The following LHX6 variants were observed in gnomAD, a reference collection of about 807,000 sequenced individuals.
LHX6 encodes LIM/homeobox protein Lhx6.
LHX6 carries 15 observed loss-of-function variants against 47.1 expected under a neutral mutation model. That is an observed-to-expected ratio of 0.32 (90% confidence interval 0.21 to 0.49). The LOEUF is 0.49. Among genes scored for constraint, LHX6 ranks in the 20% least tolerant of loss-of-function variants. The probability of loss-of-function intolerance (pLI) is 0.99; values close to 1 mark genes in which losing one functional copy is unlikely to be tolerated. For synonymous variants in LHX6, 242 were observed against 233.5 expected, an observed-to-expected ratio of 1.04 and a Z score of -0.33; for missense variants, 404 against 539.6, an observed-to-expected ratio of 0.75 and a Z score of 2.49.
intron 4 of LHX6, among the ~76,000 whole-genome samples, chr9:122,224,429 T>C (rs1229963730): frequency 2.0e-5 from 3 of 152,144 alleles, no homozygotes; most frequent in Non-Finnish European, 4.4e-5. Context: ...AATACTCAGA[T>C]GGGACAGTGA....
chr9:122,210,072 C>T (rs1354652604), intron 8 of LHX6, among the ~76,000 whole-genome samples: 2 of 152,052 alleles, frequency 1.3e-5, no homozygotes, highest in South Asian at 2.1e-4. Context: ...GACGGGGTTT[C>T]ACCGTGTTAG....
chr9:122,228,670 G>A lies in LHX6; in HGVS notation c.71C>T (p.Pro24Leu). 1 of 1,290,432 alleles carries A rather than the reference G, an allele frequency of 7.7e-7. No homozygotes were observed. Among genetic ancestry groups the A allele is most frequent in the Non-Finnish European group, 9.8e-7 (1 of 1,020,210 alleles). The allele number at this position is 1,290,432 out of a possible 1,614,324, so 79.9% of individuals were successfully genotyped here. Residue 24 changes from proline to leucine, a missense_variant, in exon 1 of 10, where the codon CCC becomes CTC. By Grantham distance (98) the Pro-to-Leu change is moderately conservative. Coordinates refer to ENST00000394319, the MANE Select transcript of LHX6 (RefSeq NM_014368.5). Reference sequence around the variant, plus strand: ...TCGCCGGCTCACCTGGTCGGTGGCGGGGCCGCCCTCGGCCGGCAGCCGGCA... The same window carrying A: ...TCGCCGGCTCACCTGGTCGGTGGCGAGGCCGCCCTCGGCCGGCAGCCGGCA... ...EGCRLPAEGG[P>L]ATDQVMAQPG...
At position 122,203,318 on chromosome 9, in the gene LHX6, T is replaced by C. The variant is rs911985578; in HGVS notation, c.*1442A>G. The C allele has an allele frequency of 6.6e-6, 1 of 152,520 alleles. No homozygotes were observed. The highest frequency in any genetic ancestry group is 1.5e-5 in the Non-Finnish European group (1 of 68,036). The allele number at this position is 152,520 out of a possible 1,614,324, so 9.4% of individuals were successfully genotyped here. A position where few individuals can be genotyped will look rare whatever the true frequency, so the allele number is the denominator to read the frequency against. ...TGCCATTGATTAGCAATGTCTGCCA[T>C]GGGTAAAAACAGAGACAATGGCTGC... On this transcript the variant is annotated 3_prime_UTR_variant, in exon 10 of 10. Coordinates refer to ENST00000394319, the MANE Select transcript of LHX6 (RefSeq NM_014368.5).
intron 4 of LHX6, chr9:122,221,634 A>G (rs1320967191): frequency 4.1e-6 from 4 of 985,406 alleles, no homozygotes; most frequent in Non-Finnish European, 4.8e-6. Context: ...AGAAGGCAGG[A>G]GGGCCAGGGA....
rs770537186 is a variant in LHX6, at chr9:122,209,674, G to A, written c.1098C>T (p.Thr366=). 2.5e-5 allele frequency: 31 copies of A among 1,245,998 alleles called. No homozygotes were observed. Among genetic ancestry groups the A allele is most frequent in the East Asian group, 6.9e-5 (3 of 43,196 alleles). 77.2% of individuals were successfully genotyped at this position (1,245,998 alleles called of 1,614,324 possible). A position where few individuals can be genotyped will look rare whatever the true frequency, so the allele number is the denominator to read the frequency against. Residue 366 remains threonine (T), a synonymous_variant, in exon 9 of 10, where the codon ACC becomes ACT. Transcript: ENST00000394319. ...CGGCTTTGAGGTGGACGGGGGGTGC[G>A]GTGTAAGGCAGCCGGCAGTGCACCT... ...CGQVHCRLPY[T]APPVHLKADM...
intron 4 of LHX6, among the ~76,000 whole-genome samples, chr9:122,219,258 G>C (rs899114118): frequency 1.3e-5 from 2 of 152,216 alleles, no homozygotes; most frequent in Admixed American, 1.3e-4. Flanking sequence ...TGTCTCCAAC[G>C]AGGAGCGCGA....
intron 1 of LHX6, chr9:122,228,383 G>C: frequency 6.6e-7 from 1 of 1,511,228 alleles, no homozygotes; most frequent in Non-Finnish European, 8.8e-7. Flanking sequence ...CTATTCAGAC[G>C]GACAATACCG....
In LHX6 at chr9:122,203,544, A is replaced by T. The variant is rs1381352597; in HGVS notation, c.*1216T>A. 1 of 152,566 alleles carries T rather than the reference A, an allele frequency of 6.6e-6. No homozygotes were observed. Among genetic ancestry groups the T allele is most frequent in the Non-Finnish European group, 1.5e-5 (1 of 68,038 alleles). The allele number at this position is 152,566 out of a possible 1,614,324, so 9.5% of individuals were successfully genotyped here. A position where few individuals can be genotyped will look rare whatever the true frequency, so the allele number is the denominator to read the frequency against. On this transcript the variant is annotated 3_prime_UTR_variant, in exon 10 of 10. Transcript: ENST00000394319. ...TGGGCATCCCCTGAAAACATAAATC[A>T]TGGTCGTGTGTAGCCTGAGCCCTTT...
intron 9 of LHX6, among the ~76,000 whole-genome samples, chr9:122,209,009 G>T (rs1229072338): frequency 2.6e-5 from 4 of 152,162 alleles, no homozygotes; most frequent in Non-Finnish European, 5.9e-5. Flanking sequence ...CTCTCTCCAT[G>T]GTTTCAGAGC....
At chr9:122,225,921 G>C (rs550113076) in intron 4 of LHX6, among the ~76,000 whole-genome samples, 1 of 152,312 alleles carries the variant, frequency 6.6e-6, no homozygotes, top group East Asian at 1.9e-4. Context: ...CCAGCTCAGC[G>C]TCCAGCCCGC....
chr9:122,221,292 G>T, intron 4 of LHX6: 1 of 984,956 alleles, frequency 1.0e-6, no homozygotes, highest in Non-Finnish European at 1.2e-6. Flanking sequence ...CCGGCCCCGA[G>T]GCTCCTCCCC....
intron 4 of LHX6, chr9:122,221,803 C>T (rs1483863873): frequency 2.5e-6 from 2 of 790,016 alleles, no homozygotes; most frequent in East Asian, 1.3e-4. Flanking sequence ...CAGAGAGGGG[C>T]CCCACGATGC....
chr9:122,208,305 G>A (rs1454702540), intron 9 of LHX6, among the ~76,000 whole-genome samples: 1 of 151,978 alleles, frequency 6.6e-6, no homozygotes, highest in African/African-American at 2.4e-5. Flanking sequence ...TGCCTCTTCT[G>A]GGAAGTCTTC....
chr9:122,221,715 C>T lies in LHX6; in HGVS notation c.462-4427G>A, dbSNP rs1032019356. 4.5e-5 allele frequency: 44 copies of T among 985,490 alleles called. No homozygotes were observed. The South Asian group carries it at 8.5e-4, about 19-fold the overall frequency. 61.0% of individuals were successfully genotyped at this position (985,490 alleles called of 1,614,324 possible). A position where few individuals can be genotyped will look rare whatever the true frequency, so the allele number is the denominator to read the frequency against. ...TGAGGTCACTCCTGCCTAAGTGTTGCAAGATCACCCAGGGAGCCACACATC... is the reference window on the plus strand; with the variant it reads ...TGAGGTCACTCCTGCCTAAGTGTTGTAAGATCACCCAGGGAGCCACACATC... On this transcript the variant is annotated intron_variant, in intron 4 of 9. Transcript: ENST00000394319.
rs1173477673 is a variant in LHX6, at chr9:122,223,818, G to T, written c.461+2558C>A. 3.3e-5 allele frequency among the ~76,000 whole-genome samples: 5 copies of T among 152,300 alleles called. No individual in the cohort carries two copies. The East Asian group carries it at 9.7e-4, about 29-fold the overall frequency. ...CAGTCCAGCATGGGCATGGGCTAGG[G>T]CTGGAGAAGTAGAAAAGAAATTTGG... On this transcript the variant is annotated intron_variant, in intron 4 of 9. Transcript: ENST00000394319.
At position 122,214,431 on chromosome 9, in the gene LHX6, G is replaced by A; in HGVS notation, c.683-48C>T. On this transcript the variant is annotated intron_variant, in intron 5 of 9. Transcript: ENST00000394319. The surrounding 1 kb of genome is among the most constrained non-coding windows in gnomAD (Gnocchi z 4.6). ...ACCACGCGTCCCCATCTCTTCTAGT[G>A]GCAGCCTGGAAAGGACGGGGGTGGG... is the stretch of plus-strand genomic sequence containing the variant. 1 of 1,493,240 alleles carries A rather than the reference G, an allele frequency of 6.7e-7. No individual in the cohort carries two copies. The highest frequency in any genetic ancestry group is 8.9e-7 in the Non-Finnish European group (1 of 1,126,454). The allele number at this position is 1,493,240 out of a possible 1,614,324, so 92.5% of individuals were successfully genotyped here.
intron 8 of LHX6, among the ~76,000 whole-genome samples, chr9:122,211,651 C>T (rs528251652): frequency 6.6e-6 from 1 of 152,350 alleles, no homozygotes; most frequent in African/African-American, 2.4e-5. Context: ...CCCCCAACCT[C>T]TTCTTCCCCA....
chr9:122,212,312 G>A (rs909550318), intron 8 of LHX6, among the ~76,000 whole-genome samples: 2 of 152,140 alleles, frequency 1.3e-5, no homozygotes, highest in African/African-American at 4.8e-5. Flanking sequence ...GATCATTAAG[G>A]CATACCGGCT....
chr9:122,212,103 C>A (rs553563282), intron 8 of LHX6, among the ~76,000 whole-genome samples: 1 of 152,168 alleles, frequency 6.6e-6, no homozygotes, highest in Non-Finnish European at 1.5e-5. Context: ...AATACTTATG[C>A]GGCACTTGCT....
Sources: gnomAD v4.1 joint callset for allele counts (sites outside exome capture counted in the v4.1 genomes callset) on GRCh38, gnomAD v4.1.1 for gene constraint, Gnocchi (gnomAD v3.1) non-coding constraint, MANE v1.5 for transcripts, NCBI Gene and HGNC (gene_info 2026-07-23, HGNC 2026-07-21) for gene names.